DDX60L: variants seen among roughly 807,000 people sequenced by gnomAD.
The protein encoded by DDX60L is DExD/H-box 60 like.
In DDX60L, 191 loss-of-function variants were observed where a neutral mutation model predicts 211.6. The ratio of observed to expected loss-of-function variants is 0.90; its 90% CI spans 0.80 to 1.02. DDX60L has a LOEUF of 1.02. Ranked by LOEUF, DDX60L falls within the 50% of genes least tolerant of loss-of-function variation. DDX60L has a pLI of 0.00. For missense variants in DDX60L, 2,007 were observed against 1,984.1 expected (o/e 1.01, Z -0.22); for synonymous variants, 706 against 694.1 (o/e 1.02, Z -0.27).
At chr4:168,374,717 A>G (rs1401430254) in intron 34 of DDX60L, among the ~76,000 whole-genome samples, 6 of 152,248 alleles carry the variant, frequency 3.9e-5, no homozygotes, top group Admixed American at 2.6e-4. Flanking sequence ...TTAAATAGTG[A>G]CACGTAGCTA....
intron 17 of DDX60L, among the ~76,000 whole-genome samples, chr4:168,420,988 T>C (rs889876798): frequency 1.3e-5 from 2 of 152,322 alleles, no homozygotes; most frequent in African/African-American, 4.8e-5. Flanking sequence ...TTGGTGTCTC[T>C]TATCCAGCAT....
chr4:168,402,174 C>CT lies in DDX60L; in HGVS notation c.3339-1197dup, dbSNP rs1746948959. Among the ~76,000 whole-genome samples, 8 of 138,436 alleles carry CT rather than the reference C, an allele frequency of 5.8e-5. No individual in the cohort carries two copies. In the Admixed American group the frequency reaches 6.1e-4, roughly 11 times the overall value. The allele number at this position is 138,436 out of a possible 152,430, so 90.8% of individuals were successfully genotyped here. On this transcript the variant is annotated intron_variant, in intron 25 of 37. Coordinates refer to ENST00000682922, the MANE Select transcript of DDX60L (RefSeq NM_001012967.3). ...ACAGGCTCTTGCTCTGTCGCCCAGACTGGAGTACAGTGGTGCACTCGCAGC... is the reference window on the plus strand; with the variant it reads ...ACAGGCTCTTGCTCTGTCGCCCAGACTTGGAGTACAGTGGTGCACTCGCAGC...
intron 22 of DDX60L, among the ~76,000 whole-genome samples, chr4:168,409,744 C>T (rs542750674): frequency 4.6e-5 from 7 of 152,128 alleles, no homozygotes; most frequent in Admixed American, 1.3e-4. Flanking sequence ...CTCGTGCATT[C>T]GATCCACAAA....
intron 8 of DDX60L, among the ~76,000 whole-genome samples, chr4:168,449,165 C>A (rs1755278100): frequency 6.6e-6 from 1 of 152,048 alleles, no homozygotes; most frequent in African/African-American, 2.4e-5. Context: ...TCAACACCTA[C>A]CCCCACTACA....
chr4:168,468,469 A>T (rs974227646), intron 4 of DDX60L, among the ~76,000 whole-genome samples: 2 of 152,122 alleles, frequency 1.3e-5, no homozygotes, highest in Non-Finnish European at 2.9e-5. Context: ...CTCTCAGAAA[A>T]CCTAAAATAA....
rs552165622 is a variant in DDX60L, at chr4:168,410,056, T to A, written c.2980-3350A>T. On this transcript the variant is annotated intron_variant, in intron 22 of 37. Coordinates refer to ENST00000682922, the MANE Select transcript of DDX60L (RefSeq NM_001012967.3). Reference sequence around the variant, plus strand: ...AGCAACTTTTGTGTATATGGCACTATGAGCTAGCTATAAGGTAATCCAGGG... The same window carrying A: ...AGCAACTTTTGTGTATATGGCACTAAGAGCTAGCTATAAGGTAATCCAGGG... Among the ~76,000 whole-genome samples, 4 of 152,298 alleles carry A rather than the reference T, an allele frequency of 2.6e-5. No individual in the cohort carries two copies. The South Asian group carries it at 8.3e-4, about 32-fold the overall frequency.
chr4:168,441,486 T>G lies in DDX60L; in HGVS notation c.1145A>C (p.His382Pro). 1 of 1,598,796 alleles carries G rather than the reference T, an allele frequency of 6.3e-7. No individual in the cohort carries two copies. Among genetic ancestry groups the G allele is most frequent in the Non-Finnish European group, 8.5e-7 (1 of 1,172,914 alleles). The change falls in exon 10 of 38, where the codon CAT (histidine) becomes CCT (proline). Residue 382 changes from histidine (H) to proline (P), a missense_variant. His to Pro is a moderately conservative substitution (Grantham distance 77). Coordinates refer to ENST00000682922, the MANE Select transcript of DDX60L (RefSeq NM_001012967.3). ...CCTAATGGAATCTCCCAAATTCAAA[T>G]GTGGTTCTGCATAACAATAAAAAAT... ...YYEFESTQEP[H>P]LNLGDSIRRD...
At chr4:168,384,919 G>A (rs1743597516) in intron 29 of DDX60L, 107 bp from the exon 30 acceptor site, 5 of 1,165,544 alleles carry the variant, frequency 4.3e-6, no homozygotes, top group Non-Finnish European at 6.1e-6. Context: ...GTTAAATTGT[G>A]TATTTAGTCC....
At chr4:168,478,103 G>GGGAGC (rs1759852288) in intron 1 of DDX60L, among the ~76,000 whole-genome samples, 1 of 151,680 alleles carries the variant, frequency 6.6e-6, no homozygotes, top group East Asian at 1.9e-4. Flanking sequence ...GGGAGGGGAG[G>GGGAGC]GGAAAAGAGG....
At chr4:168,428,909 G>C (rs919402970) in intron 13 of DDX60L, among the ~76,000 whole-genome samples, 1 of 152,108 alleles carries the variant, frequency 6.6e-6, no homozygotes, top group Non-Finnish European at 1.5e-5. Context: ...GCATGGTCTA[G>C]TGTAAAGGCA....
intron 4 of DDX60L, chr4:168,471,470 G>C (rs1758761259): frequency 4.1e-6 from 1 of 244,952 alleles, no homozygotes; most frequent in South Asian, 1.3e-4. Context: ...AGGAGGTAGA[G>C]TAAACCTACC....
At chr4:168,415,269 A>G (rs1263934785) in intron 22 of DDX60L, 139 bp downstream of exon 22, 2 of 461,634 alleles carry the variant, frequency 4.3e-6, no homozygotes, top group East Asian at 6.9e-5. Context: ...TTAAAAAATC[A>G]ATGAATAAAA....
chr4:168,451,092 T>C (rs1755745454), intron 8 of DDX60L, among the ~76,000 whole-genome samples: 1 of 152,236 alleles, frequency 6.6e-6, no homozygotes, highest in Non-Finnish European at 1.5e-5. Flanking sequence ...CCAGATTTTC[T>C]ACCATCTATC....
intron 1 of DDX60L, among the ~76,000 whole-genome samples, chr4:168,477,541 TA>T (rs1259346728): frequency 6.6e-6 from 1 of 152,188 alleles, no homozygotes; most frequent in Non-Finnish European, 1.5e-5. Context: ...TTCTTAATAC[TA>T]ACAATTAAAC....
rs563597857 is a variant in DDX60L at position 168,415,479 on chromosome 4, T to C, written c.2908A>G (p.Ile970Val). ...ACATCATCATGTTTTACTGAACATA[T>C]ATGCTTCTCTAAATCATTGTATCTC... The part of the protein sequence containing the change: ...GERYNDLEKH[I>V]CSVKHDDVYF... Residue 970 changes from isoleucine (I) to valine (V), a missense_variant, in exon 22 of 38, where the codon ATA (isoleucine) becomes GTA (valine). Coordinates refer to ENST00000682922, the MANE Select transcript of DDX60L (RefSeq NM_001012967.3). The C allele has an allele frequency of 7.5e-6, 12 of 1,604,828 alleles. No individual in the cohort carries two copies. In the South Asian group the frequency reaches 1.0e-4, roughly 13 times the overall value.
intron 29 of DDX60L, among the ~76,000 whole-genome samples, chr4:168,385,946 AAG>A (rs1743788875): frequency 6.6e-6 from 1 of 151,778 alleles, no homozygotes; most frequent in African/African-American, 2.4e-5. Flanking sequence ...CACACACACA[AAG>A]AGAAGGAGAG....
intron 11 of DDX60L, 93 bp downstream of exon 11, chr4:168,432,917 A>G (rs1243635971): frequency 1.4e-6 from 1 of 713,320 alleles, no homozygotes; most frequent in African/African-American, 1.8e-5. Context: ...ATATCCTGAT[A>G]TGATATATTA....
chr4:168,439,407 A>G (rs2451039), intron 10 of DDX60L, among the ~76,000 whole-genome samples: 112,319 of 151,868 alleles, frequency 0.74, 42,856 homozygotes, highest in East Asian at 0.91. Flanking sequence ...TTCCACCTGT[A>G]GGCTGCAACT....
At chr4:168,361,742 GC>G (rs1404790037) in intron 36 of DDX60L, among the ~76,000 whole-genome samples, 2 of 152,214 alleles carry the variant, frequency 1.3e-5, no homozygotes, top group East Asian at 3.9e-4. Flanking sequence ...AAGACTTCCA[GC>G]GGTTTCCACA....
Sources: gnomAD v4.1 joint callset for allele counts (sites outside exome capture counted in the v4.1 genomes callset) on GRCh38, gnomAD v4.1.1 for gene constraint, MANE v1.5 for transcripts, NCBI Gene and HGNC (gene_info 2026-07-23, HGNC 2026-07-21) for gene names.